GALNTL6: variants seen among roughly 807,000 people sequenced by gnomAD.
The protein encoded by GALNTL6 is polypeptide N-acetylgalactosaminyltransferase like 6.
A neutral mutation model predicts 73.7 loss-of-function variants in GALNTL6; 46 were observed. That is an observed-to-expected ratio of 0.62 (90% CI 0.49 to 0.80). The LOEUF (loss-of-function observed/expected upper bound fraction) is 0.80. Among genes scored for constraint, GALNTL6 ranks in the 30% least tolerant of loss-of-function variants. GALNTL6 has a pLI of 0.00. For synonymous variants in GALNTL6, 259 were observed against 263.7 expected, an observed-to-expected ratio of 0.98 and a Z score of 0.17; for missense variants, 604 against 755.0, an observed-to-expected ratio of 0.80 and a Z score of 2.34.
chr4:172,416,978 A>G (rs335988), intron 5 of GALNTL6, among the ~76,000 whole-genome samples: 6,197 of 152,284 alleles, frequency 0.041, 396 homozygotes, highest in African/African-American at 0.14. Flanking sequence ...TTATAAGCTT[A>G]TAATTGTTTG....
intron 4 of GALNTL6, among the ~76,000 whole-genome samples, chr4:172,322,374 G>A (rs773116855): frequency 2.6e-5 from 4 of 152,050 alleles, no homozygotes; most frequent in Non-Finnish European, 4.4e-5. Flanking sequence ...TAAGAATTAA[G>A]GTTGCTACAG....
At chr4:172,396,067 T>G (rs550019446) in intron 5 of GALNTL6, among the ~76,000 whole-genome samples, 1 of 152,222 alleles carries the variant, frequency 6.6e-6, no homozygotes, top group Admixed American at 6.5e-5. Flanking sequence ...CATACCCACA[T>G]TTTGTCAACT....
At position 172,846,793 on chromosome 4, in the gene GALNTL6, G is replaced by A. The variant is rs549465320; in HGVS notation, c.923+33070G>A. Among the ~76,000 whole-genome samples, 21 of 152,286 alleles carry A rather than the reference G, an allele frequency of 1.4e-4. No individual in the cohort carries two copies. The South Asian group carries it at 4.3e-3, about 32-fold the overall frequency. ...GCAGGCACTACTGATGAACAGGAAA[G>A]TTTAAATCTTAATATGTCTGATAAA... is the stretch of plus-strand genomic sequence containing the variant. On this transcript the variant is annotated intron_variant, in intron 7 of 12. Transcript: ENST00000506823.
chr4:172,952,520 TTTTTG>T (rs1561052639), intron 10 of GALNTL6, among the ~76,000 whole-genome samples: 4 of 142,212 alleles, frequency 2.8e-5, no homozygotes, highest in South Asian at 2.1e-4. Flanking sequence ...TTTGTTTTTG[TTTTTG>T]TTTTTTTTGA....
intron 2 of GALNTL6, among the ~76,000 whole-genome samples, chr4:171,955,906 A>G (rs1739030733): frequency 6.6e-6 from 1 of 152,208 alleles, no homozygotes; most frequent in Non-Finnish European, 1.5e-5. Flanking sequence ...AGTTAAAAGT[A>G]CATATTTTGT....
At chr4:172,112,056 T>C (rs1732866833) in intron 2 of GALNTL6, among the ~76,000 whole-genome samples, 1 of 152,084 alleles carries the variant, frequency 6.6e-6, no homozygotes, top group Admixed American at 6.6e-5. Flanking sequence ...ATCTTTGCCA[T>C]CCATTCATCC....
At chr4:172,124,327 C>G (rs1405624529) in intron 2 of GALNTL6, among the ~76,000 whole-genome samples, 1 of 152,130 alleles carries the variant, frequency 6.6e-6, no homozygotes. Context: ...GACAAGAGTT[C>G]CATTTTTTGA....
At chr4:172,691,940 C>T (rs1366234883) in intron 5 of GALNTL6, among the ~76,000 whole-genome samples, 1 of 152,052 alleles carries the variant, frequency 6.6e-6, no homozygotes, top group African/African-American at 2.4e-5. Context: ...ATGTGTAAAT[C>T]ATTAAAAATA....
intron 5 of GALNTL6, among the ~76,000 whole-genome samples, chr4:172,640,252 G>A (rs970128482): frequency 3.9e-5 from 6 of 152,156 alleles, no homozygotes; most frequent in East Asian, 1.9e-4. Flanking sequence ...TCCCTCCCAC[G>A]TGTCACAGTG....
At chr4:172,405,429 ATATATATATATATATTTTTTTTTTTTTTT>A (rs759377342) in intron 5 of GALNTL6, among the ~76,000 whole-genome samples, 793 of 16,258 alleles carry the variant, frequency 0.049, 15 homozygotes, top group Middle Eastern at 0.12. Flanking sequence ...ATATATATAT[ATATATATATATATATTTTTTTTTTTTTTT>A]TTTTTTTTCT....
At chr4:172,426,358 A>G (rs1484270979) in intron 5 of GALNTL6, among the ~76,000 whole-genome samples, 9 of 152,142 alleles carry the variant, frequency 5.9e-5, no homozygotes, top group Non-Finnish European at 1.3e-4. Context: ...TTTTTTAATA[A>G]CAATAAATAG....
intron 5 of GALNTL6, among the ~76,000 whole-genome samples, chr4:172,634,353 A>G (rs2111104173): frequency 6.6e-6 from 1 of 152,246 alleles, no homozygotes; most frequent in South Asian, 2.1e-4. Context: ...TTAAAAACTG[A>G]AAATTTTTAT....
chr4:172,228,655 A>T (rs1736949696), intron 2 of GALNTL6, among the ~76,000 whole-genome samples: 1 of 152,092 alleles, frequency 6.6e-6, no homozygotes, highest in African/African-American at 2.4e-5. Context: ...GCTTTCTAGA[A>T]TTTTATTTTC....
At chr4:172,920,244 A>C (rs573121250) in intron 8 of GALNTL6, among the ~76,000 whole-genome samples, 1 of 152,216 alleles carries the variant, frequency 6.6e-6, no homozygotes, top group Non-Finnish European at 1.5e-5. Context: ...GGATCAGGAC[A>C]AGTCAAAATA....
chr4:172,156,185 C>G (rs946025124), intron 2 of GALNTL6, among the ~76,000 whole-genome samples: 1 of 151,954 alleles, frequency 6.6e-6, no homozygotes, highest in Non-Finnish European at 1.5e-5. Flanking sequence ...GTGACTGCTA[C>G]GTAGTACCTT....
At chr4:172,920,120 C>G (rs1342271895) in intron 8 of GALNTL6, among the ~76,000 whole-genome samples, 1 of 152,126 alleles carries the variant, frequency 6.6e-6, no homozygotes, top group Non-Finnish European at 1.5e-5. Context: ...GCAGATAACT[C>G]AAGAAATTAG....
Position 173,040,006 on chromosome 4 carries a change from C to A in GALNTL6, c.1712C>A (p.Ala571Asp), listed in dbSNP as rs765257084. Residue 571 changes from alanine to aspartate, a missense_variant, in exon 13 of 13, where the codon GCC becomes GAC. Coordinates refer to ENST00000506823, the MANE Select transcript of GALNTL6 (RefSeq NM_001034845.3). The part of the protein sequence containing the change: ...CNPAEKKIFM[A>D]RCDPLSETQQ... ...CCCGCAGAGAAGAAGATTTTCATGGCCAGATGTGACCCTCTCTCTGAGACT... is the reference window on the plus strand; with the variant it reads ...CCCGCAGAGAAGAAGATTTTCATGGACAGATGTGACCCTCTCTCTGAGACT... 3.0e-5 allele frequency: 49 copies of A among 1,612,772 alleles called. No individual in the cohort carries two copies. Among genetic ancestry groups the A allele is most frequent in the Non-Finnish European group, 4.0e-5 (47 of 1,178,908 alleles).
At chr4:172,124,679 A>C (rs1733247851) in intron 2 of GALNTL6, among the ~76,000 whole-genome samples, 1 of 152,226 alleles carries the variant, frequency 6.6e-6, no homozygotes, top group African/African-American at 2.4e-5. Context: ...AGAAAAAAAC[A>C]AATCTACTGA....
intron 2 of GALNTL6, among the ~76,000 whole-genome samples, chr4:172,098,089 G>A (rs533469636): frequency 6.6e-6 from 1 of 152,110 alleles, no homozygotes; most frequent in Non-Finnish European, 1.5e-5. Flanking sequence ...ATCTGTATTA[G>A]AAAGCAAAAC....
Sources: allele counts gnomAD v4.1 joint callset (sites outside exome capture counted in the v4.1 genomes callset), GRCh38; gene constraint gnomAD v4.1.1; transcripts MANE v1.5; gene names NCBI Gene and HGNC (gene_info 2026-07-23, HGNC 2026-07-21).